Variants in DPH6 observed in about 807,000 individuals in gnomAD.
The protein encoded by DPH6 is diphthamine biosynthesis 6, also known as diphthine--ammonia ligase.
A neutral mutation model predicts 38.2 loss-of-function variants in DPH6; 33 were observed. That is an observed-to-expected ratio of 0.86 (90% CI 0.65 to 1.15). DPH6 has a LOEUF of 1.15. Among genes scored for constraint, DPH6 ranks in the 50% most tolerant of loss-of-function variants. DPH6 has a pLI of 0.00. For synonymous variants in DPH6, 108 were observed against 103.0 expected (o/e 1.05, Z -0.30); for missense variants, 325 against 320.0 (o/e 1.02, Z -0.12).
At chr15:35,463,944 T>A (rs1171903745) in intron 3 of DPH6, among the ~76,000 whole-genome samples, 1 of 152,146 alleles carries the variant, frequency 6.6e-6, no homozygotes, top group Non-Finnish European at 1.5e-5. Flanking sequence ...GCACAGTCGA[T>A]GTTCTTAAAA....
At chr15:35,539,949 A>G (rs1186613929) in intron 2 of DPH6, among the ~76,000 whole-genome samples, 2 of 152,062 alleles carry the variant, frequency 1.3e-5, no homozygotes, top group Admixed American at 6.6e-5. Flanking sequence ...GAAGTAGAGA[A>G]CATAGCCAAA....
At chr15:35,150,064 G>A in the DPH6 span, among the ~76,000 whole-genome samples, 1 of 152,222 alleles carries the variant, frequency 6.6e-6, no homozygotes, top group Non-Finnish European at 1.5e-5. Context: ...TGAGGAGAAT[G>A]AGGATCTGGT....
chr15:35,419,996 A>G (rs1391192498), intron 5 of DPH6, among the ~76,000 whole-genome samples: 2 of 152,164 alleles, frequency 1.3e-5, no homozygotes, highest in Non-Finnish European at 2.9e-5. Context: ...ATTCTTCTCA[A>G]GTGCACATGA....
chr15:35,285,510 C>T (rs1018162594), intron 3 of DPH6, among the ~76,000 whole-genome samples: 1 of 152,190 alleles, frequency 6.6e-6, no homozygotes, highest in Non-Finnish European at 1.5e-5. Flanking sequence ...TCCCTGCCTT[C>T]CGCCATGATT....
At chr15:35,149,916 C>T in the DPH6 span, among the ~76,000 whole-genome samples, 1 of 152,158 alleles carries the variant, frequency 6.6e-6, no homozygotes, top group African/African-American at 2.4e-5. Flanking sequence ...CTTCTCACTG[C>T]CAGTGAGTGG....
the DPH6 span, among the ~76,000 whole-genome samples, chr15:35,198,016 A>G: frequency 6.6e-6 from 1 of 152,180 alleles, no homozygotes; most frequent in African/African-American, 2.4e-5. Flanking sequence ...CTCATGGCAC[A>G]TATTTTATAT....
At chr15:35,472,034 G>A (rs1036141919) in intron 3 of DPH6, among the ~76,000 whole-genome samples, 15 of 152,040 alleles carry the variant, frequency 9.9e-5, no homozygotes, top group African/African-American at 3.4e-4. Flanking sequence ...TGCTACAATC[G>A]TGCCCGTGAA....
At chr15:35,467,547 C>G (rs2054142565) in intron 3 of DPH6, among the ~76,000 whole-genome samples, 1 of 152,158 alleles carries the variant, frequency 6.6e-6, no homozygotes. Context: ...GCCTTGGCAA[C>G]AGGGTGAGAC....
chr15:35,387,893 G>C (rs553296433), intron 6 of DPH6, among the ~76,000 whole-genome samples: 206 of 152,224 alleles, frequency 1.4e-3, no homozygotes, highest in Non-Finnish European at 1.8e-3. Flanking sequence ...AATAGGAGTG[G>C]TGAGAGAGGG....
intron 3 of DPH6, among the ~76,000 whole-genome samples, chr15:35,507,208 C>T (rs1052922848): frequency 2.0e-5 from 3 of 151,826 alleles, no homozygotes; most frequent in African/African-American, 7.2e-5. Context: ...TATAATAAAA[C>T]AAGCTAAACT....
intron 3 of DPH6, among the ~76,000 whole-genome samples, chr15:35,522,817 T>A (rs918351371): frequency 1.3e-5 from 2 of 152,146 alleles, no homozygotes; most frequent in Non-Finnish European, 2.9e-5. Context: ...TACAGATAAT[T>A]TTTCTATGCA....
chr15:35,274,056 T>C (rs1181234445), intron 3 of DPH6, among the ~76,000 whole-genome samples: 3 of 152,126 alleles, frequency 2.0e-5, no homozygotes, highest in South Asian at 2.1e-4. Flanking sequence ...AAAACAGATA[T>C]ATAGACCAAT....
intron 5 of DPH6, among the ~76,000 whole-genome samples, chr15:35,436,484 C>A (rs796774594): frequency 0.22 from 8,222 of 37,456 alleles, 1,316 homozygotes; most frequent in African/African-American, 0.4. Flanking sequence ...CAAACAAAAA[C>A]AAAACAAAAC....
chr15:35,296,000 C>A (rs779977547), intron 3 of DPH6, among the ~76,000 whole-genome samples: 16 of 151,678 alleles, frequency 1.1e-4, no homozygotes, highest in African/African-American at 3.6e-4. Context: ...AGTGCAGTGG[C>A]GCGATCTCTG....
intron 6 of DPH6, among the ~76,000 whole-genome samples, chr15:35,386,415 G>A (rs2052958680): frequency 6.6e-6 from 1 of 152,190 alleles, no homozygotes; most frequent in Non-Finnish European, 1.5e-5. Context: ...TCCCTGAGGA[G>A]TCGCCACACC....
chr15:35,424,349 C>T (rs1441417482), intron 5 of DPH6, among the ~76,000 whole-genome samples: 1 of 151,260 alleles, frequency 6.6e-6, no homozygotes, highest in African/African-American at 2.4e-5. Flanking sequence ...TCTTGATTTC[C>T]TTTTCAGATA....
In DPH6 at chr15:35,334,263, G is replaced by A. The variant is rs542696111; in HGVS notation, n.208-3186C>T. On this transcript the variant is annotated intron_variant and non_coding_transcript_variant, in intron 3 of 3. Coordinates refer to the DPH6 transcript ENST00000558973. ...TGCATCAATTAATTCTAATACCCTT[G>A]AATTTCTAATTAAGTTCGGTTTAAA... Among the ~76,000 whole-genome samples, 47 of 152,106 alleles carry A rather than the reference G, an allele frequency of 3.1e-4. No homozygotes were observed. In the South Asian group the frequency reaches 9.3e-3, roughly 30 times the overall value.
In DPH6 at chr15:35,459,865, G is replaced by A. The variant is rs1003226065; in HGVS notation, c.313-5045C>T. Among the ~76,000 whole-genome samples, 11 of 152,320 alleles carry A rather than the reference G, an allele frequency of 7.2e-5. 1 individual carries two copies. Among genetic ancestry groups the A allele is most frequent in the East Asian group, 5.8e-4 (3 of 5,190 alleles). On this transcript the variant is annotated intron_variant, in intron 3 of 8. Transcript: ENST00000256538. ...TTACCAAGTACCCAGTATGCACTAA[G>A]ATTTATGTTAGGTACTTTGTTTATC...
At chr15:35,243,906 A>T (rs999334442) in intron 3 of DPH6, among the ~76,000 whole-genome samples, 7 of 152,216 alleles carry the variant, frequency 4.6e-5, no homozygotes, top group Admixed American at 2.0e-4. Context: ...TGTATAAGCT[A>T]CTTCAAGGCA....
Sources: gnomAD v4.1 joint callset for allele counts (sites outside exome capture counted in the v4.1 genomes callset) on GRCh38, gnomAD v4.1.1 for gene constraint, MANE v1.5 for transcripts, NCBI Gene and HGNC (gene_info 2026-07-23, HGNC 2026-07-21) for gene names.